DIP2C: variants seen among roughly 807,000 people sequenced by gnomAD.
DIP2C encodes the protein DIP2 acetate--CoA ligase C (putative).
In DIP2C, 33 loss-of-function variants were observed where a neutral mutation model predicts 192.4. The observed-to-expected ratio is 0.17, with a 90% CI of 0.13 to 0.23. DIP2C has a LOEUF of 0.23. Among genes scored for constraint, DIP2C ranks in the 10% least tolerant of loss-of-function variants. The probability of loss-of-function intolerance (pLI) is 1.00; values close to 1 mark genes in which losing one functional copy is unlikely to be tolerated. For synonymous variants in DIP2C, 979 were observed against 864.1 expected, an observed-to-expected ratio of 1.13 and a Z score of -2.33; for missense variants, 1,537 against 2,110.1, an observed-to-expected ratio of 0.73 and a Z score of 5.32.
At chr10:349,019 G>T (rs1323274627) in intron 25 of DIP2C, among the ~76,000 whole-genome samples, 2 of 152,196 alleles carry the variant, frequency 1.3e-5, no homozygotes, top group Non-Finnish European at 2.9e-5. Flanking sequence ...ACCCACCTTT[G>T]TAACTGTGAA....
At chr10:496,297 C>A (rs927501132) in intron 1 of DIP2C, among the ~76,000 whole-genome samples, 2 of 150,792 alleles carry the variant, frequency 1.3e-5, no homozygotes, top group Admixed American at 1.3e-4. Flanking sequence ...ACTCTTAATA[C>A]CCCAAACAAC....
chr10:659,516 G>A (rs1856624445), intron 1 of DIP2C, among the ~76,000 whole-genome samples: 1 of 152,098 alleles, frequency 6.6e-6, no homozygotes, highest in South Asian at 2.1e-4. Flanking sequence ...CAAATAATGA[G>A]GTCTCACACA....
At chr10:350,267 CAT>C (rs1958726544) in intron 24 of DIP2C, among the ~76,000 whole-genome samples, 1 of 152,160 alleles carries the variant, frequency 6.6e-6, no homozygotes, top group African/African-American at 2.4e-5. Flanking sequence ...AAAATTCTCT[CAT>C]AGAGATGGGG....
chr10:470,771 C>T (rs1236265698), intron 3 of DIP2C, among the ~76,000 whole-genome samples: 1 of 152,208 alleles, frequency 6.6e-6, no homozygotes, highest in East Asian at 1.9e-4. Flanking sequence ...CATCCTCCTG[C>T]GAGGAGCGAC....
intron 30 of DIP2C, among the ~76,000 whole-genome samples, chr10:328,385 G>C (rs1391285966): frequency 2.6e-5 from 4 of 152,200 alleles, no homozygotes; most frequent in Non-Finnish European, 4.4e-5. Flanking sequence ...TATGACATAA[G>C]TTTCCTCAGC....
chr10:377,638 G>A (rs753631793), intron 17 of DIP2C, among the ~76,000 whole-genome samples: 7 of 152,108 alleles, frequency 4.6e-5, no homozygotes, highest in African/African-American at 1.4e-4. Context: ...TGCTCACTTC[G>A]GATCCACTTT....
chr10:458,551 G>A lies in DIP2C; in HGVS notation c.268+13888C>T, dbSNP rs553676808. 1.4e-3 allele frequency among the ~76,000 whole-genome samples: 211 copies of A among 149,612 alleles called. 1 individual carries two copies. The highest frequency in any genetic ancestry group is 4.8e-3 in the African/African-American group (192 of 40,402). On this transcript the variant is annotated intron_variant, in intron 3 of 36. Transcript: ENST00000280886. ...TCTACATTCCTGCGTCACCGGCAGC[G>A]TGTGACGGAGTGCTCAGAACCCGTG...
At chr10:624,325 T>G (rs886173516) in intron 1 of DIP2C, among the ~76,000 whole-genome samples, 21 of 152,086 alleles carry the variant, frequency 1.4e-4, no homozygotes, top group Non-Finnish European at 2.8e-4. Context: ...GATGGGGCCC[T>G]CACGCTGCAG....
chr10:528,184 C>T (rs1847166128), intron 1 of DIP2C, among the ~76,000 whole-genome samples: 1 of 152,166 alleles, frequency 6.6e-6, no homozygotes, highest in Non-Finnish European at 1.5e-5. Context: ...ACTGCAGAGT[C>T]CCTGGTCACA....
chr10:662,185 T>G, intron 1 of DIP2C: 1 of 709,440 alleles, frequency 1.4e-6, no homozygotes, highest in South Asian at 1.5e-5. Flanking sequence ...GCATATTTTA[T>G]CTATACACAA....
chr10:671,246 C>T (rs1463270624), intron 1 of DIP2C, among the ~76,000 whole-genome samples: 1 of 152,264 alleles, frequency 6.6e-6, no homozygotes, highest in Non-Finnish European at 1.5e-5. Flanking sequence ...AAGCGACGGC[C>T]TCCAGCGTGG....
At chr10:498,536 G>A (rs372031644) in intron 1 of DIP2C, among the ~76,000 whole-genome samples, 17 of 152,328 alleles carry the variant, frequency 1.1e-4, no homozygotes, top group African/African-American at 3.6e-4. Context: ...CTTCCTCCCT[G>A]CTGCCCAGGG....
intron 1 of DIP2C, among the ~76,000 whole-genome samples, chr10:520,908 T>C (rs1412570036): frequency 6.6e-6 from 1 of 152,266 alleles, no homozygotes; most frequent in Non-Finnish European, 1.5e-5. Context: ...AGTCATACAC[T>C]GTTGGCTACA....
At chr10:614,918 G>A (rs1237043531) in intron 1 of DIP2C, among the ~76,000 whole-genome samples, 1 of 152,140 alleles carries the variant, frequency 6.6e-6, no homozygotes, top group Non-Finnish European at 1.5e-5. Flanking sequence ...TGACACAAGC[G>A]TGACCCCCAT....
chr10:316,661 C>A (rs537434926), intron 31 of DIP2C, among the ~76,000 whole-genome samples: 2 of 152,148 alleles, frequency 1.3e-5, no homozygotes, highest in African/African-American at 4.8e-5. Flanking sequence ...CACCCTCGAG[C>A]GGGAGCCAGC....
At chr10:308,552 C>T (rs1477525381) in intron 32 of DIP2C, among the ~76,000 whole-genome samples, 1 of 152,200 alleles carries the variant, frequency 6.6e-6, no homozygotes, top group Non-Finnish European at 1.5e-5. Context: ...TGTTTTAATG[C>T]CCAGAAGTGA....
rs561234109 is a variant in DIP2C, at chr10:320,381, G to A, written c.3924+6625C>T. Among the ~76,000 whole-genome samples, 316 of 152,072 alleles carry A rather than the reference G, an allele frequency of 2.1e-3. 1 individual carries two copies. The highest frequency in any genetic ancestry group is 2.9e-3 in the Admixed American group (45 of 15,276). The stretch of plus-strand genomic sequence containing the variant: ...AAATTAGCTCGGCGAGGTGGCAGGT[G>A]CCTGTAATACCAGCTACTTGGGAGG... On this transcript the variant is annotated intron_variant, in intron 31 of 36. Transcript: ENST00000280886.
chr10:563,640 A>C (rs11253214), intron 1 of DIP2C, among the ~76,000 whole-genome samples: 41,736 of 152,232 alleles, frequency 0.27, 7,203 homozygotes, highest in Non-Finnish European at 0.39. Flanking sequence ...AAAGTTTCTG[A>C]GGAGCATTTG....
At chr10:393,701 C>T (rs1468998694) in intron 10 of DIP2C, among the ~76,000 whole-genome samples, 1 of 150,092 alleles carries the variant, frequency 6.7e-6, no homozygotes, top group African/African-American at 2.5e-5. Flanking sequence ...ATAGCTTGAA[C>T]CCGGGAAGCG....
Sources: gnomAD v4.1 joint callset for allele counts (sites outside exome capture counted in the v4.1 genomes callset) on GRCh38, gnomAD v4.1.1 for gene constraint, MANE v1.5 for transcripts, NCBI Gene and HGNC (gene_info 2026-07-23, HGNC 2026-07-21) for gene names.